Variants in LEUTX observed in about 807,000 individuals in gnomAD.
The protein encoded by LEUTX is leucine twenty homeobox, also known as paired-like homeodomain transcription factor LEUTX.
LEUTX carries 5 observed loss-of-function variants against 4.5 expected under a neutral mutation model. The observed-to-expected ratio is 1.11, with a 90% CI of 0.58 to 2.34. The LOEUF (loss-of-function observed/expected upper bound fraction) is 2.34. Among genes scored for constraint, LEUTX ranks in the 30% most tolerant of loss-of-function variants. LEUTX has a pLI of 0.01. For synonymous variants in LEUTX, 89 were observed against 85.1 expected (o/e 1.05, Z -0.25); for missense variants, 233 against 239.4 (o/e 0.97, Z 0.18).
Position 39,780,145 on chromosome 19 carries a change from T to C in LEUTX, c.7+1218T>C, listed in dbSNP as rs1599616214. Among the ~76,000 whole-genome samples, 3 of 152,350 alleles carry C rather than the reference T, an allele frequency of 2.0e-5. No individual in the cohort carries two copies. In the East Asian group the frequency reaches 5.8e-4, roughly 29 times the overall value. On this transcript the variant is annotated intron_variant, in intron 1 of 2. Transcript: ENST00000638280. The stretch of plus-strand genomic sequence containing the variant: ...CAACAAGCTCACTTATCAAAACTTG[T>C]ACCTGGCTCTTCTAATACATTTTCC...
chr19:39,785,568 G>GA, intron 2 of LEUTX, 130 bp from the exon 3 acceptor site: 1 of 703,770 alleles, frequency 1.4e-6, no homozygotes, highest in South Asian at 2.0e-5. Context: ...GCAGAGAGTA[G>GA]AAAGGGCTTC....
rs763039281 is a variant in LEUTX, at chr19:39,785,674, A to G, written c.160-24A>G. The G allele has an allele frequency of 1.5e-5, 23 of 1,537,662 alleles. No homozygotes were observed. The East Asian group carries it at 4.7e-4, about 31-fold the overall frequency. ...CCTTTATACTCAACATCCATTATTA[A>G]CCTCCCCCCTCCTCCCTCCTTAGAT... On this transcript the variant is annotated intron_variant, in intron 2 of 2. Transcript: ENST00000638280.
intron 1 of LEUTX, among the ~76,000 whole-genome samples, chr19:39,782,809 A>T (rs1967905866): frequency 6.6e-6 from 1 of 152,214 alleles, no homozygotes; most frequent in Non-Finnish European, 1.5e-5. Flanking sequence ...CTCTTGATTC[A>T]CAGGTCAAGC....
chr19:39,778,277 TG>T (rs1967829243), upstream of LEUTX, among the ~76,000 whole-genome samples: 1 of 152,248 alleles, frequency 6.6e-6, no homozygotes, highest in Non-Finnish European at 1.5e-5. Flanking sequence ...AAACTCGTTA[TG>T]GGCTCCCCAG....
At chr19:39,778,704 G>T, upstream of LEUTX, among the ~76,000 whole-genome samples, 2 of 132,876 alleles carry the variant, frequency 1.5e-5, no homozygotes, top group Non-Finnish European at 1.5e-5. Context: ...TTTATTCCCA[G>T]TGCCCTACAC....
At chr19:39,785,267 C>A (rs1403404522) in intron 2 of LEUTX, among the ~76,000 whole-genome samples, 4 of 152,096 alleles carry the variant, frequency 2.6e-5, no homozygotes, top group Non-Finnish European at 4.4e-5. Context: ...AAGACCATGT[C>A]TTTACAAACA....
chr19:39,780,154 C>CT (rs1967864622), intron 1 of LEUTX, among the ~76,000 whole-genome samples: 1 of 152,186 alleles, frequency 6.6e-6, no homozygotes, highest in Admixed American at 6.5e-5. Context: ...GTACCTGGCT[C>CT]TTCTAATACA....
chr19:39,784,767 T>G (rs1967939681), intron 2 of LEUTX, 89 bp downstream of exon 2: 1 of 960,040 alleles, frequency 1.0e-6, no homozygotes, highest in African/African-American at 1.6e-5. Context: ...TCCTATTTAT[T>G]GGCAATTGCT....
At chr19:39,779,250 G>A (rs66852522) in intron 1 of LEUTX, among the ~76,000 whole-genome samples, 23,463 of 151,970 alleles carry the variant, frequency 0.15, 2,191 homozygotes, top group East Asian at 0.27. Flanking sequence ...ACCATGTCCC[G>A]CTAATTTTTA....
Position 39,785,803 on chromosome 19 carries a change from G to A in LEUTX, c.265G>A (p.Glu89Lys). 1.3e-6 allele frequency: 2 copies of A among 1,551,758 alleles called. No homozygotes were observed. Among genetic ancestry groups the A allele is most frequent in the Non-Finnish European group, 1.7e-6 (2 of 1,146,996 alleles). Residue 89 changes from glutamate (E) to lysine (K), a missense_variant, in exon 3 of 3, where the codon GAG becomes AAG. By Grantham distance (56) the Glu-to-Lys change is moderately conservative. Coordinates refer to ENST00000638280, the MANE Select transcript of LEUTX (RefSeq NM_001382345.1). ...PANQTTSVKK[E>K]ETPSAITTAN... ...AAACCAGACAACTTCAGTGAAGAAG[G>A]AGGAGACTCCCTCAGCCATAACTAC...
intron 2 of LEUTX, among the ~76,000 whole-genome samples, chr19:39,785,335 G>A (rs1372540490): frequency 1.4e-4 from 22 of 152,038 alleles, no homozygotes. Flanking sequence ...CTACTTGGGA[G>A]ACTGAGATAG....
rs1967968711 is a variant in LEUTX, at chr19:39,786,071, G to A, written c.533G>A (p.Ser178Asn). ...IYDLPGEDDT[S>N]SLNQYLFPVC... ...GACTTGCCAGGGGAAGATGACACCA[G>A]CAGCCTAAATCAATATCTTTTTCCA... The change falls in exon 3 of 3, where the codon AGC becomes AAC. Residue 178 changes from serine to asparagine, a missense_variant. Transcript: ENST00000638280. The A allele has an allele frequency of 1.3e-6, 2 of 1,551,010 alleles. No individual in the cohort carries two copies. Among genetic ancestry groups the A allele is most frequent in the Non-Finnish European group, 1.7e-6 (2 of 1,146,748 alleles).
intron 1 of LEUTX, among the ~76,000 whole-genome samples, chr19:39,784,102 T>G (rs1471112138): frequency 6.6e-6 from 1 of 152,164 alleles, no homozygotes; most frequent in East Asian, 1.9e-4. Flanking sequence ...CATTGTCTCC[T>G]AAAGTTTTTA....
chr19:39,777,113 G>T (rs562598545), upstream of LEUTX, among the ~76,000 whole-genome samples: 131 of 152,182 alleles, frequency 8.6e-4, no homozygotes, highest in African/African-American at 2.7e-3. Flanking sequence ...CTGGGCCTTT[G>T]CACTTGATGT....
In LEUTX at chr19:39,786,160, A is replaced by C; in HGVS notation, c.*25A>C. On this transcript the variant is annotated 3_prime_UTR_variant, in exon 3 of 3. Transcript: ENST00000638280. ...ACTTCTTACACATCACTTCTAGGGG[A>C]GGTCTGGATCTGACCCACTGAGACA... The C allele has an allele frequency of 6.7e-7, 1 of 1,481,932 alleles. No individual in the cohort carries two copies. Among genetic ancestry groups the C allele is most frequent in the East Asian group, 2.5e-5 (1 of 40,484 alleles). 91.8% of individuals were successfully genotyped at this position (1,481,932 alleles called of 1,614,324 possible).
intron 1 of LEUTX, among the ~76,000 whole-genome samples, chr19:39,779,973 C>T (rs905158049): frequency 8.5e-5 from 13 of 152,218 alleles, no homozygotes; most frequent in Non-Finnish European, 1.3e-4. Flanking sequence ...GAGATTGCAC[C>T]GCTGTACTCC....
At chr19:39,784,954 G>A (rs1454356893) in intron 2 of LEUTX, among the ~76,000 whole-genome samples, 1 of 152,140 alleles carries the variant, frequency 6.6e-6, no homozygotes, top group Non-Finnish European at 1.5e-5. Context: ...AGGACTCTTT[G>A]AGGCTGGATC....
chr19:39,778,991 AGGTGT>A (rs1399379295), intron 1 of LEUTX, 64 bp downstream of exon 1: 3 of 152,244 alleles, frequency 2.0e-5, no homozygotes, highest in Non-Finnish European at 4.4e-5. Flanking sequence ...ATCAAGTGAG[AGGTGT>A]GGGACCTTGT....
chr19:39,783,171 G>T (rs1399065659), intron 1 of LEUTX, among the ~76,000 whole-genome samples: 1 of 149,998 alleles, frequency 6.7e-6, no homozygotes, highest in East Asian at 1.9e-4. Context: ...TAGAATAATG[G>T]TCTCCAATCT....
Sources: allele counts gnomAD v4.1 joint callset (sites outside exome capture counted in the v4.1 genomes callset), GRCh38; gene constraint gnomAD v4.1.1; transcripts MANE v1.5; gene names NCBI Gene and HGNC (gene_info 2026-07-23, HGNC 2026-07-21).